Variants in DLG2 observed in about 807,000 individuals in gnomAD.
The protein encoded by DLG2 is disks large homolog 2.
In DLG2, 45 loss-of-function variants were observed where a neutral mutation model predicts 132.5. The ratio of observed to expected loss-of-function variants is 0.34; its 90% confidence interval spans 0.27 to 0.44. The LOEUF (loss-of-function observed/expected upper bound fraction) is 0.44, where lower values mean the gene tolerates loss of function less well. Among genes scored for constraint, DLG2 ranks in the 20% least tolerant of loss-of-function variants. DLG2 has a pLI of 1.00. For synonymous variants in DLG2, 424 were observed against 419.6 expected (o/e 1.01, Z -0.13); for missense variants, 1,045 against 1,196.9 (o/e 0.87, Z 1.87).
At chr11:84,053,610 C>T (rs182859489) in intron 11 of DLG2, among the ~76,000 whole-genome samples, 72 of 151,996 alleles carry the variant, frequency 4.7e-4, no homozygotes, top group African/African-American at 2.4e-5. Context: ...TAAGAATTTA[C>T]AATTCTTATC....
chr11:85,444,452 T>C (rs1303583739), intron 3 of DLG2, among the ~76,000 whole-genome samples: 3 of 152,200 alleles, frequency 2.0e-5, no homozygotes, highest in African/African-American at 4.8e-5. Flanking sequence ...TTTTAAAAGC[T>C]AGACACATTT....
chr11:84,503,892 T>C (rs1004017937), intron 7 of DLG2, among the ~76,000 whole-genome samples: 2 of 152,136 alleles, frequency 1.3e-5, no homozygotes, highest in Admixed American at 6.5e-5. Context: ...TGTTTATTCC[T>C]TCTTAGCTTC....
At chr11:85,259,592 T>C (rs2076837297) in intron 4 of DLG2, among the ~76,000 whole-genome samples, 1 of 151,870 alleles carries the variant, frequency 6.6e-6, no homozygotes, top group Non-Finnish European at 1.5e-5. Flanking sequence ...TCTGCTTGTT[T>C]TGGGGTGCTA....
intron 3 of DLG2, among the ~76,000 whole-genome samples, chr11:85,409,694 G>A (rs929505134): frequency 6.6e-6 from 1 of 151,754 alleles, no homozygotes; most frequent in African/African-American, 2.4e-5. Flanking sequence ...ATCTGGGGGG[G>A]TGGAGAAATA....
chr11:84,620,715 GATGATGTGAACA>G (rs2099612335), intron 6 of DLG2, among the ~76,000 whole-genome samples: 1 of 152,000 alleles, frequency 6.6e-6, no homozygotes, highest in Non-Finnish European at 1.5e-5. Flanking sequence ...ATTTTGTGTT[GATGATGTGAACA>G]ATGCAAACTC....
intron 9 of DLG2, among the ~76,000 whole-genome samples, chr11:84,103,743 T>C (rs1271909674): frequency 1.3e-5 from 2 of 152,108 alleles, no homozygotes; most frequent in Non-Finnish European, 2.9e-5. Context: ...CAAATATAAA[T>C]ATAATGTCTC....
intron 16 of DLG2, among the ~76,000 whole-genome samples, chr11:83,841,791 T>A (rs77763707): frequency 0.024 from 3,581 of 152,328 alleles, 148 homozygotes; most frequent in African/African-American, 0.075. Flanking sequence ...ATCTTACCCA[T>A]CCATCCAACT....
intron 6 of DLG2, among the ~76,000 whole-genome samples, chr11:84,908,327 T>A (rs2091744290): frequency 6.6e-6 from 1 of 152,204 alleles, no homozygotes; most frequent in African/African-American, 2.4e-5. Context: ...TTTTTCATAC[T>A]AAATCTTCAA....
At chr11:85,225,409 C>A (rs567666279) in intron 4 of DLG2, among the ~76,000 whole-genome samples, 1 of 151,988 alleles carries the variant, frequency 6.6e-6, no homozygotes, top group South Asian at 2.1e-4. Context: ...ACAAACTTCC[C>A]GATCTTTCCT....
At chr11:83,549,599 T>G (rs2096334657) in intron 19 of DLG2, among the ~76,000 whole-genome samples, 1 of 152,198 alleles carries the variant, frequency 6.6e-6, no homozygotes, top group Non-Finnish European at 1.5e-5. Flanking sequence ...AAAATGCATA[T>G]GTAGTAAACT....
chr11:83,990,181 C>T (rs1255805589), intron 11 of DLG2, among the ~76,000 whole-genome samples: 1 of 152,070 alleles, frequency 6.6e-6, no homozygotes, highest in Non-Finnish European at 1.5e-5. Flanking sequence ...TATTTCAGTA[C>T]TCTAGTAAAA....
chr11:85,250,856 G>GA (rs768809261), intron 4 of DLG2, among the ~76,000 whole-genome samples: 3 of 151,930 alleles, frequency 2.0e-5, no homozygotes, highest in South Asian at 2.1e-4. Flanking sequence ...TGTAAGATTT[G>GA]AAAAAAATAT....
In DLG2 at chr11:84,813,657, G is replaced by A. The variant is rs565061871; in HGVS notation, c.358-278926C>T. On this transcript the variant is annotated intron_variant, in intron 6 of 27. Transcript: ENST00000376104. ...ATAACAGATATTGAGACAACCCCAG[G>A]CAGGTCTCAGAATGACATAGAATGG... Among the ~76,000 whole-genome samples the A allele has an allele frequency of 2.6e-5, 4 of 152,194 alleles. No individual in the cohort carries two copies. The South Asian group carries it at 6.2e-4, about 24-fold the overall frequency.
In DLG2 at chr11:84,650,865, GTGTGTGTGTATATATATATA is replaced by G. The variant is rs1467613290; in HGVS notation, c.358-116154_358-116135del. On this transcript the variant is annotated intron_variant, in intron 6 of 27. Coordinates refer to ENST00000376104, the MANE Select transcript of DLG2 (RefSeq NM_001142699.3). ...CTTTCCTGTATGTGTGTGTGTGTGT[GTGTGTGTGTATATATATATA>G]TATATATATATATATAAAATTTTTG... Among the ~76,000 whole-genome samples the G allele has an allele frequency of 3.3e-3, 290 of 87,834 alleles. 3 individuals are homozygous for G. The highest frequency in any genetic ancestry group is 0.015 in the African/African-American group (283 of 18,418). 57.6% of individuals were successfully genotyped at this position (87,834 alleles called of 152,430 possible). A position where few individuals can be genotyped will look rare whatever the true frequency, so the allele number is the denominator to read the frequency against.
chr11:85,093,574 C>T (rs1397518513), intron 6 of DLG2, among the ~76,000 whole-genome samples: 1 of 152,164 alleles, frequency 6.6e-6, no homozygotes, highest in Admixed American at 6.5e-5. Context: ...CTGGGGAGGC[C>T]TCACAATCAT....
intron 6 of DLG2, among the ~76,000 whole-genome samples, chr11:84,934,434 C>T (rs2048443875): frequency 6.9e-6 from 1 of 145,498 alleles, no homozygotes; most frequent in Admixed American, 7.0e-5. Context: ...GGAGTAGTTT[C>T]AGTAGGAGTG....
At chr11:83,777,533 G>A (rs1024397542) in intron 18 of DLG2, among the ~76,000 whole-genome samples, 3 of 152,136 alleles carry the variant, frequency 2.0e-5, no homozygotes, top group Non-Finnish European at 4.4e-5. Flanking sequence ...CTATCTGCAA[G>A]TTTAGCAATT....
intron 3 of DLG2, among the ~76,000 whole-genome samples, chr11:85,525,562 T>A (rs2074678844): frequency 6.6e-6 from 1 of 152,166 alleles, no homozygotes; most frequent in Admixed American, 6.5e-5. Context: ...ATTTCTACTA[T>A]GAAACAGGAT....
intron 7 of DLG2, among the ~76,000 whole-genome samples, chr11:84,494,237 T>C (rs766668948): frequency 2.0e-5 from 3 of 152,182 alleles, no homozygotes; most frequent in Non-Finnish European, 2.9e-5. Context: ...ATGTGCTTCT[T>C]AGCTCTTAAT....
Sources: allele counts gnomAD v4.1 joint callset (sites outside exome capture counted in the v4.1 genomes callset), GRCh38; gene constraint gnomAD v4.1.1; transcripts MANE v1.5; gene names NCBI Gene and HGNC (gene_info 2026-07-23, HGNC 2026-07-21).